The following COL8A1 variants were observed in gnomAD, a reference collection of about 807,000 sequenced individuals.
COL8A1 encodes collagen type VIII alpha 1 chain.
In COL8A1, 21 loss-of-function variants were observed where a neutral mutation model predicts 42.7. The observed-to-expected ratio is 0.49, with a 90% CI of 0.35 to 0.71. The LOEUF (loss-of-function observed/expected upper bound fraction) is 0.71, where lower values mean the gene tolerates loss of function less well. COL8A1 is among the 30% of genes least tolerant of loss of function. COL8A1 has a pLI of 0.01. For missense variants in COL8A1, 788 were observed against 962.4 expected, an observed-to-expected ratio of 0.82 and a Z score of 2.40; for synonymous variants, 367 against 369.1, an observed-to-expected ratio of 0.99 and a Z score of 0.06.
At chr3:99,682,305 T>C (rs1229008374) in intron 1 of COL8A1, among the ~76,000 whole-genome samples, 1 of 152,126 alleles carries the variant, frequency 6.6e-6, no homozygotes, top group Non-Finnish European at 1.5e-5. Flanking sequence ...TAATCCCAGC[T>C]ACTCGGGAGT....
intron 2 of COL8A1, among the ~76,000 whole-genome samples, chr3:99,749,729 A>G (rs1014375513): frequency 6.6e-6 from 1 of 152,212 alleles, no homozygotes. Flanking sequence ...AATAAACTAC[A>G]TAGTTTGAAT....
chr3:99,716,038 G>T (rs539492227), intron 1 of COL8A1, among the ~76,000 whole-genome samples: 5 of 151,906 alleles, frequency 3.3e-5, no homozygotes, highest in Admixed American at 1.3e-4. Context: ...AACCCTTTTC[G>T]TCCAAAGGTA....
chr3:99,656,903 G>A (rs934841984), intron 1 of COL8A1, among the ~76,000 whole-genome samples: 1 of 152,176 alleles, frequency 6.6e-6, no homozygotes, highest in Non-Finnish European at 1.5e-5. Flanking sequence ...GTCCACTTGG[G>A]CATGCCATCC....
At chr3:99,775,203 C>T (rs1370696285) in intron 2 of COL8A1, among the ~76,000 whole-genome samples, 1 of 152,170 alleles carries the variant, frequency 6.6e-6, no homozygotes, top group Non-Finnish European at 1.5e-5. Context: ...ACAGCAGAAC[C>T]TGGGCTCCAG....
chr3:99,794,082 T>C lies in COL8A1; in HGVS notation c.329-148T>C. 1.8e-6 allele frequency: 1 copy of C among 551,596 alleles called. No homozygotes were observed. The highest frequency in any genetic ancestry group is 3.2e-6 in the Non-Finnish European group (1 of 317,316). The allele number at this position is 551,596 out of a possible 1,614,324, so 34.2% of individuals were successfully genotyped here. ...TTTAAGGTCTAGAAGATGAGCATAT[T>C]ATTCCTAGTCTTTTCTCTTGATAAG... On this transcript the variant is annotated intron_variant, in intron 3 of 3. Transcript: ENST00000652472. The surrounding 1 kb of genome is among the most constrained non-coding windows in gnomAD (Gnocchi z 4.3).
intron 1 of COL8A1, among the ~76,000 whole-genome samples, chr3:99,683,564 C>T (rs564849582): frequency 6.6e-6 from 1 of 151,892 alleles, no homozygotes; most frequent in Non-Finnish European, 1.5e-5. Context: ...CTTCAGAACT[C>T]TCTTTTTGGC....
At chr3:99,707,532 A>G (rs1939714657) in intron 1 of COL8A1, among the ~76,000 whole-genome samples, 1 of 152,142 alleles carries the variant, frequency 6.6e-6, no homozygotes. Flanking sequence ...CTCCCTGACA[A>G]GCATGGCAGG....
intron 1 of COL8A1, chr3:99,677,778 A>G (rs1938746981): frequency 6.6e-6 from 1 of 152,090 alleles, no homozygotes. Flanking sequence ...CTCGCTCAGA[A>G]CAGCTTCAGC....
rs1942136628 is a variant in COL8A1 at position 99,798,236 on chromosome 3, G to C, written c.*2100G>C. On this transcript the variant is annotated 3_prime_UTR_variant, in exon 4 of 4. Transcript: ENST00000652472. ...GAAGAGAAATTAGTCCATTACCACA[G>C]GGGTTCTTGTCACTACTAATTATAC... 1.3e-5 allele frequency: 2 copies of C among 152,090 alleles called. No homozygotes were observed. Among genetic ancestry groups the C allele is most frequent in the African/African-American group, 4.8e-5 (2 of 41,412 alleles). 9.4% of individuals were successfully genotyped at this position (152,090 alleles called of 1,614,324 possible).
At chr3:99,762,436 A>G (rs957157810) in intron 2 of COL8A1, among the ~76,000 whole-genome samples, 2 of 152,184 alleles carry the variant, frequency 1.3e-5, no homozygotes, top group African/African-American at 4.8e-5. Context: ...CCTTGTCAGT[A>G]TGTCTTCATA....
intron 2 of COL8A1, among the ~76,000 whole-genome samples, chr3:99,759,214 A>T (rs1441655795): frequency 2.0e-5 from 3 of 151,898 alleles, no homozygotes; most frequent in Non-Finnish European, 4.4e-5. Context: ...AATCTCACCA[A>T]TCTTATTTGT....
chr3:99,659,242 C>A (rs917228655), intron 1 of COL8A1, among the ~76,000 whole-genome samples: 1 of 152,134 alleles, frequency 6.6e-6, no homozygotes, highest in Non-Finnish European at 1.5e-5. Flanking sequence ...CGTGGTTGGA[C>A]CTTAGAAGTT....
chr3:99,677,430 C>T (rs187238606), intron 1 of COL8A1, among the ~76,000 whole-genome samples: 1 of 152,162 alleles, frequency 6.6e-6, no homozygotes, highest in Non-Finnish European at 1.5e-5. Context: ...GAATGGCCTT[C>T]AGGAAACTTT....
intron 2 of COL8A1, among the ~76,000 whole-genome samples, chr3:99,789,443 C>T (rs545429589): frequency 5.1e-4 from 77 of 152,224 alleles, no homozygotes; most frequent in Admixed American, 2.1e-3. Flanking sequence ...TTCATTAAGT[C>T]CCTTTATACA....
At chr3:99,729,398 G>A (rs1338422397) in intron 1 of COL8A1, among the ~76,000 whole-genome samples, 1 of 151,896 alleles carries the variant, frequency 6.6e-6, no homozygotes, top group Admixed American at 6.6e-5. Context: ...AGATTATTTA[G>A]GTTTGGCTTC....
chr3:99,738,932 C>T (rs1292812900), intron 1 of COL8A1, among the ~76,000 whole-genome samples: 4 of 152,236 alleles, frequency 2.6e-5, no homozygotes, highest in Middle Eastern at 3.4e-3. Flanking sequence ...CTTGGTGCGC[C>T]GTTTTTTAAG....
intron 2 of COL8A1, among the ~76,000 whole-genome samples, chr3:99,768,943 C>A (rs1482617750): frequency 2.0e-5 from 3 of 152,176 alleles, no homozygotes. Flanking sequence ...ATAACTCTAT[C>A]AGAGAGTACT....
intron 1 of COL8A1, among the ~76,000 whole-genome samples, chr3:99,669,164 GA>G (rs1280212926): frequency 3.2e-4 from 46 of 144,978 alleles, no homozygotes; most frequent in African/African-American, 9.6e-4. Flanking sequence ...GAGAGAGAGA[GA>G]GAGAGAGAGA....
intron 2 of COL8A1, among the ~76,000 whole-genome samples, chr3:99,758,411 T>C (rs936421563): frequency 3.3e-5 from 5 of 152,172 alleles, no homozygotes; most frequent in Non-Finnish European, 7.4e-5. Context: ...TTGTGAAACA[T>C]AATTCCATTA....
Sources: gnomAD v4.1 joint callset for allele counts (sites outside exome capture counted in the v4.1 genomes callset) on GRCh38, gnomAD v4.1.1 for gene constraint, Gnocchi (gnomAD v3.1) non-coding constraint, MANE v1.5 for transcripts, NCBI Gene and HGNC (gene_info 2026-07-23, HGNC 2026-07-21) for gene names.